Variants in OCA2 observed in about 807,000 individuals in gnomAD.
OCA2 encodes P protein.
Under a neutral mutation model 100.2 loss-of-function variants are expected in OCA2, and 77 were observed. The ratio of observed to expected loss-of-function variants is 0.77; its 90% CI spans 0.64 to 0.93. The LOEUF is 0.93. OCA2 is among the 40% of genes least tolerant of loss of function. The probability of loss-of-function intolerance (pLI) is 0.00; values close to 1 mark genes in which losing one functional copy is unlikely to be tolerated. For missense variants in OCA2, 1,062 were observed against 1,089.1 expected (o/e 0.98, Z 0.35); for synonymous variants, 432 against 439.2 (o/e 0.98, Z 0.21).
intron 14 of OCA2, among the ~76,000 whole-genome samples, chr15:27,976,149 G>A (rs1449742069): frequency 6.6e-6 from 1 of 152,084 alleles, no homozygotes; most frequent in African/African-American, 2.4e-5. Context: ...TTTATTTGTA[G>A]GAGCTCTTTT....
chr15:27,957,038 C>G lies in OCA2; in HGVS notation c.1784+550G>C, dbSNP rs1478850878. 6.6e-6 allele frequency among the ~76,000 whole-genome samples: 1 copy of G among 152,210 alleles called. No homozygotes were observed. The highest frequency in any genetic ancestry group is 1.5e-5 in the Non-Finnish European group (1 of 68,036). ...GCTCCTGCTTCTTCTGTCTGAGCTT[C>G]CAGAACAAAGACTGCTTGGAACTCA... On this transcript the variant is annotated intron_variant, in intron 16 of 23. Transcript: ENST00000354638. This position sits in a 1 kb window ranked among gnomAD's most constrained non-coding sequence, Gnocchi z 4.3.
chr15:27,995,248 G>T (rs552363977), intron 9 of OCA2, among the ~76,000 whole-genome samples: 1 of 152,242 alleles, frequency 6.6e-6, no homozygotes, highest in African/African-American at 2.4e-5. Flanking sequence ...GAACAGCACT[G>T]TACACCAAGT....
chr15:27,807,896 A>T (rs2033921337), intron 23 of OCA2, among the ~76,000 whole-genome samples: 1 of 152,228 alleles, frequency 6.6e-6, no homozygotes, highest in Non-Finnish European at 1.5e-5. Flanking sequence ...CAGGAGGCTG[A>T]ACCGTCAGCT....
At chr15:27,767,711 A>C (rs1322558076) in intron 23 of OCA2, among the ~76,000 whole-genome samples, 1 of 152,156 alleles carries the variant, frequency 6.6e-6, no homozygotes, top group African/African-American at 2.4e-5. Context: ...AGCACTCTGT[A>C]AAATGGACCA....
intron 18 of OCA2, among the ~76,000 whole-genome samples, chr15:27,945,302 A>C (rs1157437250): frequency 1.3e-5 from 2 of 152,190 alleles, no homozygotes; most frequent in African/African-American, 4.8e-5. Context: ...AACAAGGCCA[A>C]GCAGACTCCT....
intron 15 of OCA2, among the ~76,000 whole-genome samples, chr15:27,959,155 A>C (rs2040328818): frequency 1.3e-5 from 2 of 152,228 alleles, no homozygotes; most frequent in Admixed American, 6.5e-5. Context: ...GCTTTCTCTA[A>C]AGCTTCAGCC....
chr15:27,873,498 T>C (rs990855741), intron 19 of OCA2, among the ~76,000 whole-genome samples: 1 of 152,246 alleles, frequency 6.6e-6, no homozygotes, highest in African/African-American at 2.4e-5. Context: ...TTTGATATCA[T>C]CAGTTGAAAG....
At chr15:27,882,222 A>G (rs563504967) in intron 19 of OCA2, among the ~76,000 whole-genome samples, 15 of 152,182 alleles carry the variant, frequency 9.9e-5, no homozygotes, top group Non-Finnish European at 2.1e-4. Flanking sequence ...CGTGTTCCAC[A>G]GCTGCATGAG....
chr15:27,906,229 C>G (rs1396202266), intron 19 of OCA2, among the ~76,000 whole-genome samples: 1 of 152,156 alleles, frequency 6.6e-6, no homozygotes, highest in Admixed American at 6.5e-5. Flanking sequence ...TATGGATATC[C>G]TAATTACCCT....
intron 15 of OCA2, among the ~76,000 whole-genome samples, chr15:27,965,088 G>A (rs555633214): frequency 3.9e-5 from 6 of 152,050 alleles, no homozygotes; most frequent in Non-Finnish European, 8.8e-5. Context: ...TACAACAATT[G>A]TCCCAGGTCA....
chr15:28,018,889 G>A (rs567067296), intron 6 of OCA2, among the ~76,000 whole-genome samples: 1 of 152,272 alleles, frequency 6.6e-6, no homozygotes, highest in South Asian at 2.1e-4. Flanking sequence ...CTCCCGGCCC[G>A]TTTCCTGCGC....
the OCA2 span, among the ~76,000 whole-genome samples, chr15:27,723,276 C>T: frequency 6.6e-6 from 1 of 151,988 alleles, no homozygotes; most frequent in Non-Finnish European, 1.5e-5. Context: ...TTCCACCTTG[C>T]GTAGAATAAT....
intron 23 of OCA2, among the ~76,000 whole-genome samples, chr15:27,767,339 C>T (rs1161673057): frequency 1.3e-5 from 2 of 152,230 alleles, no homozygotes; most frequent in African/African-American, 2.4e-5. Flanking sequence ...TCCCAATTCC[C>T]AACAGCAGTT....
At chr15:28,027,177 C>A (rs538871564) in intron 4 of OCA2, among the ~76,000 whole-genome samples, 6 of 152,232 alleles carry the variant, frequency 3.9e-5, no homozygotes, top group African/African-American at 1.4e-4. Flanking sequence ...CGCTACTGCC[C>A]GCGCACACGC....
chr15:27,922,683 G>GTGTA (rs1567110128), intron 19 of OCA2, among the ~76,000 whole-genome samples: 1 of 36,322 alleles, frequency 2.8e-5, no homozygotes, highest in East Asian at 5.1e-4. Context: ...TGTTTGGGGT[G>GTGTA]TGTGTGTGTG....
At chr15:27,884,042 A>C (rs2037127206) in intron 19 of OCA2, among the ~76,000 whole-genome samples, 1 of 152,244 alleles carries the variant, frequency 6.6e-6, no homozygotes, top group Non-Finnish European at 1.5e-5. Flanking sequence ...AAGACTATCA[A>C]AATTAGTAAA....
At chr15:27,869,029 T>G (rs2036438064) in intron 21 of OCA2, among the ~76,000 whole-genome samples, 1 of 152,236 alleles carries the variant, frequency 6.6e-6, no homozygotes, top group South Asian at 2.1e-4. Context: ...CCAAGGATTG[T>G]GACCATCGCT....
At chr15:28,034,817 TAA>T (rs1340600839) in intron 2 of OCA2, among the ~76,000 whole-genome samples, 1 of 150,390 alleles carries the variant, frequency 6.6e-6, no homozygotes, top group African/African-American at 2.5e-5. Flanking sequence ...ATGAATGGGT[TAA>T]AACCTAGTAA....
intron 19 of OCA2, among the ~76,000 whole-genome samples, chr15:27,914,189 C>A (rs1287783356): frequency 6.6e-6 from 1 of 151,756 alleles, no homozygotes; most frequent in Non-Finnish European, 1.5e-5. Context: ...TTCAACATCC[C>A]TAGGTATCAA....
Sources: gnomAD v4.1 joint callset for allele counts (sites outside exome capture counted in the v4.1 genomes callset) on GRCh38, gnomAD v4.1.1 for gene constraint, Gnocchi (gnomAD v3.1) non-coding constraint, MANE v1.5 for transcripts, NCBI Gene and HGNC (gene_info 2026-07-23, HGNC 2026-07-21) for gene names.